The following EMC2 variants were observed in gnomAD, a reference collection of about 807,000 sequenced individuals.
EMC2 encodes ER membrane protein complex subunit 2, also known as TPR repeat protein 35.
A neutral mutation model predicts 51.6 loss-of-function variants in EMC2; 37 were observed. The ratio of observed to expected loss-of-function variants is 0.72; its 90% CI spans 0.55 to 0.94. The LOEUF is 0.94. Among genes scored for constraint, EMC2 ranks in the 40% least tolerant of loss-of-function variants. EMC2 has a pLI of 0.00. For synonymous variants in EMC2, 131 were observed against 112.4 expected (o/e 1.17, Z -1.04); for missense variants, 359 against 350.9 (o/e 1.02, Z -0.18).
chr8:108,469,985 G>A, intron 6 of EMC2, 74 bp downstream of exon 6: 1 of 1,539,212 alleles, frequency 6.5e-7, no homozygotes, highest in South Asian at 1.1e-5. Flanking sequence ...ATTTGCATTT[G>A]ATTTTCCTGT....
chr8:108,482,271 G>A (rs1586194748), intron 10 of EMC2, among the ~76,000 whole-genome samples: 1 of 152,012 alleles, frequency 6.6e-6, no homozygotes. Flanking sequence ...GTCCTCTTTC[G>A]TGAAATGTTT....
chr8:108,480,893 A>G (rs1037850076), intron 10 of EMC2, among the ~76,000 whole-genome samples: 7 of 152,136 alleles, frequency 4.6e-5, no homozygotes, highest in Non-Finnish European at 8.8e-5. Context: ...TTTTACATTT[A>G]TCTTTGTTTT....
At chr8:108,448,264 A>T (rs903952753) in intron 1 of EMC2, among the ~76,000 whole-genome samples, 4 of 152,236 alleles carry the variant, frequency 2.6e-5, no homozygotes, top group Non-Finnish European at 1.5e-5. Flanking sequence ...AGATTCGGTA[A>T]GTTATGTAAG....
intron 7 of EMC2, among the ~76,000 whole-genome samples, chr8:108,472,139 T>C (rs1810868447): frequency 6.6e-6 from 1 of 152,016 alleles, no homozygotes; most frequent in Non-Finnish European, 1.5e-5. Context: ...TTTAACATTA[T>C]CATGTCTGCT....
At chr8:108,448,755 A>T (rs548772398) in intron 1 of EMC2, among the ~76,000 whole-genome samples, 1 of 151,526 alleles carries the variant, frequency 6.6e-6, no homozygotes, top group Admixed American at 6.6e-5. Context: ...TGAACTGTTT[A>T]CTCCTTTCCA....
chr8:108,462,213 T>TTGTGTGCGTGTGTGTGTGTGTGTGTG (rs756130562), intron 5 of EMC2, among the ~76,000 whole-genome samples: 1 of 122,498 alleles, frequency 8.2e-6, no homozygotes, highest in Non-Finnish European at 2.0e-5. Context: ...TGTGTGTGTT[T>TTGTGTGCGTGTGTGTGTGTGTGTGTG]TGTGTGCGTG....
intron 2 of EMC2, 24 bp downstream of exon 2, chr8:108,449,960 G>C: frequency 9.2e-7 from 1 of 1,082,266 alleles, no homozygotes; most frequent in Non-Finnish European, 1.4e-6. Flanking sequence ...TTACATTCAG[G>C]CTCAGTACAT....
chr8:108,472,006 G>A (rs1251098421), intron 7 of EMC2, among the ~76,000 whole-genome samples: 2 of 151,514 alleles, frequency 1.3e-5, no homozygotes, highest in Admixed American at 6.6e-5. Flanking sequence ...TCATTTTTAC[G>A]AGCTCTTTTT....
chr8:108,462,220 C>CGTGTGTGTGTGTGTGTGCGT (rs370802068), intron 5 of EMC2, among the ~76,000 whole-genome samples: 1 of 99,366 alleles, frequency 1.0e-5, no homozygotes, highest in South Asian at 3.8e-4. Context: ...GTTTTGTGTG[C>CGTGTGTGTGTGTGTGTGCGT]GTGTGTGTGT....
rs1420732018 is a variant in EMC2 at position 108,486,748 on chromosome 8, TA to T, written c.*155del. On this transcript the variant is annotated 3_prime_UTR_variant, in exon 11 of 11. Transcript: ENST00000220853. ...TGTAAAGAATGTGTTTATATAAACC[TA>T]AAAATGCCTTTTACTGCTAAGTGGG... The T allele has an allele frequency of 1.2e-5, 9 of 752,182 alleles. No individual in the cohort carries two copies. The highest frequency in any genetic ancestry group is 5.8e-6 in the Non-Finnish European group (3 of 513,658). The allele number at this position is 752,182 out of a possible 1,614,324, so 46.6% of individuals were successfully genotyped here.
intron 4 of EMC2, 85 bp from the exon 5 acceptor site, chr8:108,455,788 C>A: frequency 3.9e-6 from 2 of 508,448 alleles, no homozygotes; most frequent in South Asian, 2.4e-5. Context: ...AATATTAAAG[C>A]CAGTTTAATT....
At chr8:108,476,028 C>A in intron 8 of EMC2, 65 bp downstream of exon 8, 2 of 819,208 alleles carry the variant, frequency 2.4e-6, no homozygotes, top group Non-Finnish European at 3.9e-6. Context: ...TATTATGGAA[C>A]TAAGAATATT....
intron 5 of EMC2, among the ~76,000 whole-genome samples, chr8:108,457,327 T>C (rs551151299): frequency 3.9e-3 from 333 of 85,514 alleles, no homozygotes; most frequent in African/African-American, 0.011. Flanking sequence ...TGTGCGTGTG[T>C]GTGCGTGTGT....
At chr8:108,452,244 G>A (rs1162299278) in intron 3 of EMC2, among the ~76,000 whole-genome samples, 3 of 152,090 alleles carry the variant, frequency 2.0e-5, no homozygotes, top group African/African-American at 7.2e-5. Context: ...TGTATTTTCT[G>A]ACCCCAAATC....
Position 108,470,076 on chromosome 8 carries a change from A to G in EMC2, c.464A>G (p.Gln155Arg). Residue 155 changes from glutamine to arginine, a missense_variant, in exon 7 of 11, where the codon CAA (glutamine) becomes CGA (arginine). Coordinates refer to ENST00000220853, the MANE Select transcript of EMC2 (RefSeq NM_014673.5). ...CCTCTCACCAGATTTGTTGGAGACC[A>G]AGAAGCCTGGCATGAACTTGCAGAA... ...NEYLEQFVGD[Q>R]EAWHELAELY... 6.2e-7 allele frequency: 1 copy of G among 1,613,162 alleles called. No homozygotes were observed.
intron 5 of EMC2, among the ~76,000 whole-genome samples, chr8:108,458,258 G>A (rs1030414767): frequency 6.6e-6 from 1 of 152,218 alleles, no homozygotes; most frequent in Non-Finnish European, 1.5e-5. Flanking sequence ...CAGGTGCATG[G>A]TGCAAGCTGT....
At chr8:108,477,317 G>T (rs1346176307) in intron 9 of EMC2, among the ~76,000 whole-genome samples, 1 of 151,792 alleles carries the variant, frequency 6.6e-6, no homozygotes, top group Admixed American at 6.6e-5. Flanking sequence ...CATTTTTTAT[G>T]GTGTAGAAAA....
intron 10 of EMC2, among the ~76,000 whole-genome samples, chr8:108,485,857 G>A (rs1811128640): frequency 2.0e-5 from 3 of 151,458 alleles, no homozygotes. Flanking sequence ...ATCCCAATTA[G>A]TTTTATAATG....
At chr8:108,449,185 G>T (rs913975846) in intron 1 of EMC2, among the ~76,000 whole-genome samples, 9 of 151,926 alleles carry the variant, frequency 5.9e-5, no homozygotes, top group Non-Finnish European at 7.4e-5. Flanking sequence ...GCAATCACAG[G>T]TCACTGCAGC....
Sources: allele counts gnomAD v4.1 joint callset (sites outside exome capture counted in the v4.1 genomes callset), GRCh38; gene constraint gnomAD v4.1.1; transcripts MANE v1.5; gene names NCBI Gene and HGNC (gene_info 2026-07-23, HGNC 2026-07-21).